The following TFB1M variants were observed in gnomAD, a reference collection of about 807,000 sequenced individuals.
The protein encoded by TFB1M is transcription factor B1, mitochondrial.
In TFB1M, 27 loss-of-function variants were observed where a neutral mutation model predicts 31.1. The observed-to-expected ratio is 0.87, with a 90% CI of 0.64 to 1.20. The LOEUF is 1.20. Ranked by LOEUF, TFB1M falls within the 50% of genes most tolerant of loss-of-function variation. The probability of loss-of-function intolerance (pLI) is 0.00; values close to 1 mark genes in which losing one functional copy is unlikely to be tolerated. For missense variants in TFB1M, 394 were observed against 418.7 expected (o/e 0.94, Z 0.51); for synonymous variants, 166 against 151.8 (o/e 1.09, Z -0.69).
intron 5 of TFB1M, among the ~76,000 whole-genome samples, chr6:155,267,350 T>C (rs12191327): frequency 0.13 from 19,522 of 152,270 alleles, 1,540 homozygotes; most frequent in Non-Finnish European, 0.19. Flanking sequence ...ACCTAAAATA[T>C]AGAGACAAAT....
chr6:155,286,181 T>C (rs1418761191), intron 4 of TFB1M, among the ~76,000 whole-genome samples: 2 of 152,236 alleles, frequency 1.3e-5, no homozygotes, highest in African/African-American at 2.4e-5. Flanking sequence ...CCGGTGTAAT[T>C]AGATATCCAT....
At chr6:155,290,570 T>TA (rs1486142633) in intron 4 of TFB1M, among the ~76,000 whole-genome samples, 1 of 152,048 alleles carries the variant, frequency 6.6e-6, no homozygotes, top group African/African-American at 2.4e-5. Context: ...AAAATTGAAC[T>TA]AAAATCAACT....
At chr6:155,283,008 T>C in intron 5 of TFB1M, among the ~76,000 whole-genome samples, 1 of 152,128 alleles carries the variant, frequency 6.6e-6, no homozygotes, top group Admixed American at 6.5e-5. Context: ...ATTACAGGCA[T>C]GAGTCACTGT....
Position 155,257,961 on chromosome 6 carries a change from C to T in TFB1M, c.916G>A (p.Val306Ile), listed in dbSNP as rs573077614. 7.1e-5 allele frequency: 115 copies of T among 1,614,204 alleles called. 1 individual carries two copies. In the South Asian group the frequency reaches 1.2e-3, roughly 17 times the overall value. Residue 306 changes from valine (V) to isoleucine (I), a missense_variant, in exon 7 of 7, where the codon GTA becomes ATA. By Grantham distance (29) the Val-to-Ile change is conservative (BLOSUM62 3). Coordinates refer to ENST00000367166, the MANE Select transcript of TFB1M (RefSeq NM_016020.4). ...TCTTCATCACACATTTTTCTGTATA[C>T]ATCACAGAGGCTCTTAAAGTGTGAG... Reference protein sequence around the residue: ...SISHFKSLCDVYRKMCDEDPQ... With the variant: ...SISHFKSLCDIYRKMCDEDPQ...
At chr6:155,244,198 G>T in the TFB1M span, 1 of 982,350 alleles carries the variant, frequency 1.0e-6, no homozygotes, top group South Asian at 1.5e-5. Flanking sequence ...AAGACTTAAC[G>T]GTCTTCTGAG....
chr6:155,286,649 GTA>G (rs34768204), intron 4 of TFB1M, among the ~76,000 whole-genome samples: 37,597 of 136,598 alleles, frequency 0.28, 5,778 homozygotes, highest in East Asian at 0.66. Context: ...GTGTGTGTGT[GTA>G]TATATATATG....
At chr6:155,305,700 A>AAATATATATTAAATTATATATTTATAT (rs1562426136) in intron 2 of TFB1M, among the ~76,000 whole-genome samples, 1 of 47,082 alleles carries the variant, frequency 2.1e-5, no homozygotes, top group African/African-American at 8.9e-5. Context: ...TTTATATATA[A>AAATATATATTAAATTATATATTTATAT]ATATATATTA....
chr6:155,244,650 T>C, the TFB1M span: 1 of 1,613,562 alleles, frequency 6.2e-7, no homozygotes, highest in Non-Finnish European at 8.5e-7. Context: ...ATCCTGATCT[T>C]CACATAGATG....
At chr6:155,259,839 T>C (rs1480254260) in intron 6 of TFB1M, among the ~76,000 whole-genome samples, 1 of 152,236 alleles carries the variant, frequency 6.6e-6, no homozygotes, top group African/African-American at 2.4e-5. Flanking sequence ...TTCTGTGAGA[T>C]GGAAACGTGC....
In TFB1M at chr6:155,298,484, C is replaced by T; in HGVS notation, c.387G>A (p.Trp129Ter). The change falls in exon 3 of 7, where the codon TGG (tryptophan) becomes TGA (stop). Residue 129 changes from tryptophan to a stop codon, truncating the protein, a stop_gained. Coordinates refer to ENST00000367166, the MANE Select transcript of TFB1M (RefSeq NM_016020.4). LOFTEE classifies it high-confidence loss of function. Reference protein sequence around the residue: ...KAFSESLKRPWEDDPPNVHII... With the variant: ...KAFSESLKRP Reference sequence around the variant, plus strand: ...CTACCCAAAAGCACTCACCATCTTCCCAGGGTCTTTTAAGACTTTCTGAAA... The same window carrying T: ...CTACCCAAAAGCACTCACCATCTTCTCAGGGTCTTTTAAGACTTTCTGAAA... 1 of 1,583,212 alleles carries T rather than the reference C, an allele frequency of 6.3e-7. No homozygotes were observed. Among genetic ancestry groups the T allele is most frequent in the Non-Finnish European group, 8.7e-7 (1 of 1,152,240 alleles).
intron 2 of TFB1M, among the ~76,000 whole-genome samples, chr6:155,307,321 CAA>C (rs923693288): frequency 5.8e-4 from 89 of 152,208 alleles, no homozygotes; most frequent in African/African-American, 2.1e-3. Context: ...GGGCAATTTA[CAA>C]AAGAGGTTTA....
At chr6:155,270,837 C>T (rs779272369) in intron 5 of TFB1M, among the ~76,000 whole-genome samples, 2 of 152,124 alleles carry the variant, frequency 1.3e-5, no homozygotes, top group Non-Finnish European at 2.9e-5. Context: ...GACACTGCTG[C>T]GACTATTAGT....
At chr6:155,288,047 C>T (rs1776745021) in intron 4 of TFB1M, among the ~76,000 whole-genome samples, 1 of 152,218 alleles carries the variant, frequency 6.6e-6, no homozygotes, top group South Asian at 2.1e-4. Flanking sequence ...AGTCTAATCA[C>T]TTCTTTTCCT....
downstream of TFB1M, chr6:155,254,351 C>A: frequency 6.4e-7 from 1 of 1,566,104 alleles, no homozygotes; most frequent in South Asian, 1.2e-5. Flanking sequence ...GGAACACAGG[C>A]GGGCGTGGAA....
chr6:155,256,925 GA>G lies in TFB1M; in HGVS notation c.*910del. 1.9e-6 allele frequency: 3 copies of G among 1,614,164 alleles called. No individual in the cohort carries two copies. Among genetic ancestry groups the G allele is most frequent in the Non-Finnish European group, 2.5e-6 (3 of 1,180,030 alleles). On this transcript the variant is annotated 3_prime_UTR_variant, in exon 7 of 7. Coordinates refer to ENST00000367166, the MANE Select transcript of TFB1M (RefSeq NM_016020.4). ...CGGGGGCACTTCTGCCCCATTAAAC[GA>G]AAAGCCAACAGCACCAAGAGGGACA...
chr6:155,306,316 G>A (rs898690355), intron 2 of TFB1M, among the ~76,000 whole-genome samples: 7 of 152,074 alleles, frequency 4.6e-5, no homozygotes, highest in Admixed American at 6.6e-5. Context: ...TATAATATAC[G>A]TCTACCACAG....
chr6:155,252,788 G>A (rs935357454), downstream of TFB1M: 7 of 611,064 alleles, frequency 1.1e-5, no homozygotes, highest in African/African-American at 1.3e-4. Context: ...AGGTCTTTGA[G>A]AACTGGGTGC....
intron 5 of TFB1M, among the ~76,000 whole-genome samples, chr6:155,268,710 C>T (rs112175041): frequency 0.012 from 1,840 of 151,798 alleles, 32 homozygotes; most frequent in Non-Finnish European, 0.015. Flanking sequence ...GGATTAAGGG[C>T]GGTGCAAGAT....
At chr6:155,258,524 C>G (rs112981860) in intron 6 of TFB1M, among the ~76,000 whole-genome samples, 1,862 of 130,208 alleles carry the variant, frequency 0.014, 34 homozygotes, top group Non-Finnish European at 0.016. Context: ...AAAAGAGTTA[C>G]TTTTTTTTGC....
Sources: gnomAD v4.1 joint callset for allele counts (sites outside exome capture counted in the v4.1 genomes callset) on GRCh38, gnomAD v4.1.1 for gene constraint, MANE v1.5 for transcripts, NCBI Gene and HGNC (gene_info 2026-07-23, HGNC 2026-07-21) for gene names.